The following CLASP1 variants were observed in gnomAD, a reference collection of about 807,000 sequenced individuals.
CLASP1 encodes CLIP-associating protein 1.
A neutral mutation model predicts 192.3 loss-of-function variants in CLASP1; 38 were observed. That is an observed-to-expected ratio of 0.20 (90% CI 0.15 to 0.26). The LOEUF (loss-of-function observed/expected upper bound fraction) is 0.26. CLASP1 is among the 10% of genes least tolerant of loss of function. CLASP1 has a pLI of 1.00. For synonymous variants in CLASP1, 691 were observed against 712.8 expected (o/e 0.97, Z 0.49); for missense variants, 1,433 against 1,932.5 (o/e 0.74, Z 4.85).
At chr2:121,469,766 G>C (rs1473117411) in intron 9 of CLASP1, 42 bp downstream of exon 9, 1 of 1,567,050 alleles carries the variant, frequency 6.4e-7, no homozygotes, top group Non-Finnish European at 8.6e-7. Flanking sequence ...TTGAAAAGCT[G>C]GCATAGCTGA....
At chr2:121,353,654 A>C (rs543628131) in intron 37 of CLASP1, among the ~76,000 whole-genome samples, 1 of 152,270 alleles carries the variant, frequency 6.6e-6, no homozygotes, top group East Asian at 1.9e-4. Flanking sequence ...CTCCCACTAG[A>C]CTAAAAGTTC....
At chr2:121,597,184 G>C (rs2063237381) in intron 2 of CLASP1, among the ~76,000 whole-genome samples, 1 of 152,136 alleles carries the variant, frequency 6.6e-6, no homozygotes, top group African/African-American at 2.4e-5. Context: ...TTATCACCTT[G>C]AACAAGTTAG....
At chr2:121,376,804 C>T (rs778311206) in intron 34 of CLASP1, among the ~76,000 whole-genome samples, 2 of 152,096 alleles carry the variant, frequency 1.3e-5, no homozygotes, top group African/African-American at 4.8e-5. Context: ...CTCATAGGAG[C>T]GTCAACTCTA....
At chr2:121,363,046 C>T (rs1386853636) in intron 37 of CLASP1, 126 bp downstream of exon 38, 16 of 1,215,988 alleles carry the variant, frequency 1.3e-5, no homozygotes, top group South Asian at 9.2e-5. Flanking sequence ...CTCTGTATTA[C>T]GACATGGCTG....
intron 2 of CLASP1, among the ~76,000 whole-genome samples, chr2:121,578,288 C>G (rs555550254): frequency 5.9e-4 from 90 of 152,018 alleles, no homozygotes; most frequent in Non-Finnish European, 1.1e-3. Context: ...AAACAAAAAA[C>G]CTGCATGCCT....
chr2:121,638,934 G>A (rs1043722570), intron 1 of CLASP1, among the ~76,000 whole-genome samples: 3 of 152,164 alleles, frequency 2.0e-5, no homozygotes, highest in African/African-American at 7.2e-5. Context: ...CTCCCCAAAT[G>A]CTGGGATTAC....
intron 19 of CLASP1, among the ~76,000 whole-genome samples, chr2:121,437,692 G>C (rs965602801): frequency 2.6e-5 from 4 of 152,174 alleles, no homozygotes; most frequent in African/African-American, 9.7e-5. Context: ...TTTCAGTTTA[G>C]TAAAGTTAAC....
chr2:121,407,329 T>G, intron 25 of CLASP1, 142 bp downstream of exon 26: 7 of 866,684 alleles, frequency 8.1e-6, no homozygotes, highest in Non-Finnish European at 1.2e-5. Context: ...GTACCTTTAG[T>G]GCCTGTTCCT....
At chr2:121,537,334 G>T (rs1433589103) in intron 2 of CLASP1, among the ~76,000 whole-genome samples, 1 of 151,900 alleles carries the variant, frequency 6.6e-6, no homozygotes, top group African/African-American at 2.4e-5. Flanking sequence ...TGAGGCTGCA[G>T]TGAGCCGTGA....
rs141677879 is a variant in CLASP1, at chr2:121,354,986, T to A, written c.4207-6268A>T. On this transcript the variant is annotated intron_variant, in intron 37 of 39. Coordinates refer to ENST00000263710, the Ensembl canonical transcript of CLASP1. ...TCTCTCCTCCCCATCTCCTGCACTCTATTGCCCTTCAGGTTAAAGTGAATT... is the reference window on the plus strand; with the variant it reads ...TCTCTCCTCCCCATCTCCTGCACTCAATTGCCCTTCAGGTTAAAGTGAATT... Among the ~76,000 whole-genome samples the A allele has an allele frequency of 4.6e-3, 706 of 152,274 alleles. 5 individuals carry two copies. The highest frequency in any genetic ancestry group is 0.024 in the Middle Eastern group (7 of 294).
At chr2:121,368,107 GATGAAAGGCTCAGAAGCCTTTCCTTGAGA>G (rs1303208464) in intron 34 of CLASP1, among the ~76,000 whole-genome samples, 2 of 152,120 alleles carry the variant, frequency 1.3e-5, no homozygotes, top group African/African-American at 2.4e-5. Flanking sequence ...TTTTCTGAGG[GATGAAAGGCTCAGAAGCCTTTCCTTGAGA>G]AGGAAAGGCT....
At chr2:121,434,488 A>G (rs1169853408) in intron 19 of CLASP1, among the ~76,000 whole-genome samples, 1 of 151,534 alleles carries the variant, frequency 6.6e-6, no homozygotes, top group Non-Finnish European at 1.5e-5. Context: ...CTGGTCTCAA[A>G]CTCCTGGCCT....
At chr2:121,457,841 C>T (rs2087014463) in intron 13 of CLASP1, 84 bp from the exon 14 acceptor site, 1 of 881,740 alleles carries the variant, frequency 1.1e-6, no homozygotes, top group Non-Finnish European at 1.9e-6. Flanking sequence ...CCTTACTAAC[C>T]TACTTATAGC....
At chr2:121,512,380 C>G (rs141569075) in intron 7 of CLASP1, among the ~76,000 whole-genome samples, 4 of 152,260 alleles carry the variant, frequency 2.6e-5, no homozygotes, top group Admixed American at 2.6e-4. Flanking sequence ...GTCAAGCATG[C>G]CTCACAGGGT....
chr2:121,582,557 AAGAC>A (rs1289528826), intron 2 of CLASP1, among the ~76,000 whole-genome samples: 1 of 151,316 alleles, frequency 6.6e-6, no homozygotes, highest in Non-Finnish European at 1.5e-5. Flanking sequence ...AAAAGAGGGA[AAGAC>A]AGAAAGGAAC....
intron 8 of CLASP1, among the ~76,000 whole-genome samples, chr2:121,495,498 T>C (rs919168904): frequency 1.3e-5 from 2 of 150,326 alleles, no homozygotes; most frequent in African/African-American, 2.5e-5. Flanking sequence ...CCGTCTCTAC[T>C]AAAAATACAA....
intron 7 of CLASP1, chr2:121,504,977 T>C (rs1321988246): frequency 1.3e-5 from 2 of 152,208 alleles, no homozygotes; most frequent in East Asian, 3.8e-4. Flanking sequence ...CCTTACATGA[T>C]TGTGTTTCTT....
In CLASP1 at chr2:121,400,023, C is replaced by G. The variant is rs180946190; in HGVS notation, c.2900+1486G>C. ...CCCAGTCTATCAACAGCCATCCTAT[C>G]TACTCCACTCAATTATACCAGCTTA... On this transcript the variant is annotated intron_variant, in intron 28 of 39. Coordinates refer to ENST00000263710, the Ensembl canonical transcript of CLASP1. 9.3e-3 allele frequency among the ~76,000 whole-genome samples: 1,421 copies of G among 152,286 alleles called. 18 individuals are homozygous for G. Among genetic ancestry groups the G allele is most frequent in the Non-Finnish European group, 0.01 (697 of 68,012 alleles).
intron 2 of CLASP1, among the ~76,000 whole-genome samples, chr2:121,575,498 T>C (rs1304608308): frequency 2.6e-5 from 4 of 152,168 alleles, no homozygotes; most frequent in Non-Finnish European, 5.9e-5. Flanking sequence ...TATCAGATTC[T>C]GAAGCTCACA....
Sources: gnomAD v4.1 joint callset for allele counts (sites outside exome capture counted in the v4.1 genomes callset) on GRCh38, gnomAD v4.1.1 for gene constraint, MANE v1.5 for transcripts, NCBI Gene and HGNC (gene_info 2026-07-23, HGNC 2026-07-21) for gene names.